Variants in DHTKD1 observed in about 807,000 individuals in gnomAD.
DHTKD1 encodes 2-oxoadipate dehydrogenase complex component E1.
A neutral mutation model predicts 101.8 loss-of-function variants in DHTKD1; 78 were observed. That is an observed-to-expected ratio of 0.77 (90% CI 0.64 to 0.93). The LOEUF is 0.93. DHTKD1 is among the 40% of genes least tolerant of loss of function. The pLI is 0.00. For missense variants in DHTKD1, 1,223 were observed against 1,161.7 expected, an observed-to-expected ratio of 1.05 and a Z score of -0.77; for synonymous variants, 462 against 450.3, an observed-to-expected ratio of 1.03 and a Z score of -0.33.
chr10:12,069,193 G>T lies in DHTKD1; in HGVS notation c.154+6G>T. On this transcript the variant is annotated splice_donor_region_variant and intron_variant, in intron 1 of 16. Coordinates refer to ENST00000263035, the MANE Select transcript of DHTKD1 (RefSeq NM_018706.7). ...CGCCCTGGAGCGCCCCCCAGGTCGG[G>T]GATGGGGCCCGGGCGGTGGGAGCGG... is the stretch of plus-strand genomic sequence containing the variant. 10 of 1,542,934 alleles carry T rather than the reference G, an allele frequency of 6.5e-6. No individual in the cohort carries two copies. The highest frequency in any genetic ancestry group is 8.7e-6 in the Non-Finnish European group (10 of 1,145,012).
chr10:12,083,455 C>T (rs1832853006), intron 2 of DHTKD1, among the ~76,000 whole-genome samples: 2 of 152,114 alleles, frequency 1.3e-5, no homozygotes, highest in African/African-American at 4.8e-5. Context: ...AAGGTTGGGG[C>T]CGGGTGTGGT....
At chr10:12,114,694 A>G (rs1158084969) in intron 13 of DHTKD1, among the ~76,000 whole-genome samples, 3 of 152,198 alleles carry the variant, frequency 2.0e-5, no homozygotes, top group Admixed American at 2.0e-4. Flanking sequence ...GCTGCTCACA[A>G]AGGTTCGAGA....
At position 12,110,176 on chromosome 10, in the gene DHTKD1, T is replaced by C. The variant is rs1159855717; in HGVS notation, c.2154+2161T>C. On this transcript the variant is annotated intron_variant, in intron 12 of 16. Transcript: ENST00000263035. This position sits in a 1 kb window ranked among gnomAD's most constrained non-coding sequence, Gnocchi z 4.9. Reference sequence around the variant, plus strand: ...AGCCGGGCACGGTGGCAGGCACCTGTAGTCCCAGCTACTTGGGAGGCTGAG... The same window carrying C: ...AGCCGGGCACGGTGGCAGGCACCTGCAGTCCCAGCTACTTGGGAGGCTGAG... Among the ~76,000 whole-genome samples the C allele has an allele frequency of 6.6e-6, 1 of 152,138 alleles. No homozygotes were observed. Among genetic ancestry groups the C allele is most frequent in the East Asian group, 1.9e-4 (1 of 5,188 alleles).
chr10:12,120,378 G>A, intron 16 of DHTKD1, 111 bp downstream of exon 16: 1 of 944,224 alleles, frequency 1.1e-6, no homozygotes, highest in African/African-American at 1.7e-5. Flanking sequence ...CTGTTGCCCA[G>A]GCTGGAGTGC....
intron 16 of DHTKD1, 180 bp downstream of exon 16, chr10:12,120,447 C>T (rs1167274562): frequency 3.6e-6 from 2 of 551,336 alleles, no homozygotes; most frequent in Non-Finnish European, 6.4e-6. Context: ...CATTCTCCTG[C>T]CTCAGCCTCC....
chr10:12,097,607 C>T, intron 7 of DHTKD1, 77 bp from the exon 8 acceptor site: 7 of 1,328,886 alleles, frequency 5.3e-6, no homozygotes, highest in Non-Finnish European at 5.2e-6. Context: ...CTCCACCGCC[C>T]TTGACAGTGA....
chr10:12,100,957 G>T, intron 9 of DHTKD1, 85 bp from the exon 10 acceptor site: 1 of 1,383,070 alleles, frequency 7.2e-7, no homozygotes, highest in South Asian at 1.3e-5. Context: ...TCAGGATTAA[G>T]CCAGTATATA....
chr10:12,118,469 G>C (rs965315662), intron 14 of DHTKD1, among the ~76,000 whole-genome samples: 1 of 148,540 alleles, frequency 6.7e-6, no homozygotes, highest in African/African-American at 2.5e-5. Context: ...TGCAAGCTCC[G>C]CCTCCCGGGT....
At chr10:12,090,387 T>TCC (rs2131359467) in intron 5 of DHTKD1, among the ~76,000 whole-genome samples, 3 of 138,072 alleles carry the variant, frequency 2.2e-5, no homozygotes, top group African/African-American at 8.1e-5. Context: ...CTTCCTTCCT[T>TCC]TTTTCCTTCC....
intron 1 of DHTKD1, among the ~76,000 whole-genome samples, chr10:12,073,307 A>G (rs1832677797): frequency 6.6e-6 from 1 of 151,912 alleles, no homozygotes; most frequent in African/African-American, 2.4e-5. Flanking sequence ...TTCTGGGATT[A>G]TAGGCATGAG....
chr10:12,084,559 G>A lies in DHTKD1; in HGVS notation c.330G>A (p.Lys110=). The A allele has an allele frequency of 1.2e-6, 2 of 1,609,838 alleles. No homozygotes were observed. Among genetic ancestry groups the A allele is most frequent in the Non-Finnish European group, 8.5e-7 (1 of 1,176,192 alleles). ...TCACAGGATTATTGAACATGGGGAA[G>A]GAAGAGGCCTCACTTGAGGAAGTGT... ...FHTAGLLNMG[K]EEASLEEVLV... The change falls in exon 3 of 17, where the codon AAG becomes AAA. Residue 110 remains lysine, a synonymous_variant. Transcript: ENST00000263035.
rs1473456723 is a variant in DHTKD1, at chr10:12,122,415, G to C, written c.*1527G>C. ...GTGGATCACCTGAGGTTGGGAGTTCGAGACCAGCCTGACAAAACATAGTGA... is the reference window on the plus strand; with the variant it reads ...GTGGATCACCTGAGGTTGGGAGTTCCAGACCAGCCTGACAAAACATAGTGA... On this transcript the variant is annotated 3_prime_UTR_variant, in exon 17 of 17. Transcript: ENST00000263035. 1 of 152,186 alleles carries C rather than the reference G, an allele frequency of 6.6e-6. No homozygotes were observed. The highest frequency in any genetic ancestry group is 1.5e-5 in the Non-Finnish European group (1 of 68,058). 9.4% of individuals were successfully genotyped at this position (152,186 alleles called of 1,614,324 possible). A position where few individuals can be genotyped will look rare whatever the true frequency, so the allele number is the denominator to read the frequency against.
At chr10:12,112,135 C>G (rs1224083277) in intron 12 of DHTKD1, among the ~76,000 whole-genome samples, 1 of 151,984 alleles carries the variant, frequency 6.6e-6, no homozygotes, top group African/African-American at 2.4e-5. Flanking sequence ...GGCATCATAA[C>G]AAGACCCCAT....
intron 8 of DHTKD1, 50 bp from the exon 9 acceptor site, chr10:12,100,127 AG>A: frequency 9.0e-7 from 1 of 1,108,362 alleles, no homozygotes; most frequent in South Asian, 1.4e-5. Flanking sequence ...ATTGTGAAAA[AG>A]GAAATGGACT....
In DHTKD1 at chr10:12,120,274, A is replaced by C. The variant is rs1208888392; in HGVS notation, c.2658+7A>C. On this transcript the variant is annotated splice_region_variant and intron_variant, in intron 16 of 16. Transcript: ENST00000263035. ...AAAGCAGCTGGCCTGCAAGGTAATCACACGTTTTCTCTGGTAGTGTTTTGT... is the reference window on the plus strand; with the variant it reads ...AAAGCAGCTGGCCTGCAAGGTAATCCCACGTTTTCTCTGGTAGTGTTTTGT... 6.8e-6 allele frequency: 11 copies of C among 1,610,732 alleles called. No individual in the cohort carries two copies. The highest frequency in any genetic ancestry group is 1.3e-5 in the African/African-American group (1 of 74,716).
intron 4 of DHTKD1, among the ~76,000 whole-genome samples, chr10:12,088,388 C>A (rs906134976): frequency 6.6e-6 from 1 of 151,566 alleles, no homozygotes; most frequent in African/African-American, 2.4e-5. Context: ...GGGAGGATCT[C>A]TTGAGTCCAG....
intron 7 of DHTKD1, among the ~76,000 whole-genome samples, chr10:12,096,666 A>G (rs1434200297): frequency 6.6e-6 from 1 of 152,246 alleles, no homozygotes; most frequent in African/African-American, 2.4e-5. Flanking sequence ...CGTTAGCTTT[A>G]AAATCTATCC....
intron 1 of DHTKD1, among the ~76,000 whole-genome samples, chr10:12,077,218 A>T (rs900549230): frequency 1.3e-5 from 2 of 150,950 alleles, no homozygotes; most frequent in African/African-American, 4.9e-5. Flanking sequence ...GTGGTCATTC[A>T]TTAAGTGTTT....
chr10:12,095,735 C>T (rs1377893444), intron 7 of DHTKD1, among the ~76,000 whole-genome samples: 2 of 134,702 alleles, frequency 1.5e-5, no homozygotes, highest in Non-Finnish European at 3.1e-5. Context: ...ATGGCGTGAA[C>T]CCGGGAGGCG....
Sources: gnomAD v4.1 joint callset for allele counts (sites outside exome capture counted in the v4.1 genomes callset) on GRCh38, gnomAD v4.1.1 for gene constraint, Gnocchi (gnomAD v3.1) non-coding constraint, MANE v1.5 for transcripts, NCBI Gene and HGNC (gene_info 2026-07-23, HGNC 2026-07-21) for gene names.